Variants in MYO16 observed in about 807,000 individuals in gnomAD.
MYO16 encodes the protein unconventional myosin-XVI.
A neutral mutation model predicts 205.3 loss-of-function variants in MYO16; 94 were observed. That is an observed-to-expected ratio of 0.46 (90% CI 0.39 to 0.54). The LOEUF (loss-of-function observed/expected upper bound fraction) is 0.54, where lower values mean the gene tolerates loss of function less well. Among genes scored for constraint, MYO16 ranks in the 20% least tolerant of loss-of-function variants. The pLI, the probability that MYO16 is intolerant of heterozygous loss-of-function variation, is 0.00. For missense variants in MYO16, 2,315 were observed against 2,387.5 expected (o/e 0.97, Z 0.63); for synonymous variants, 988 against 954.0 (o/e 1.04, Z -0.66).
intron 7 of MYO16, among the ~76,000 whole-genome samples, chr13:108,814,874 G>A (rs892980603): frequency 1.3e-5 from 2 of 152,004 alleles, no homozygotes; most frequent in Admixed American, 6.6e-5. Context: ...TGTTACAAAC[G>A]CAAACAAACA....
At chr13:108,723,055 G>A (rs1469857026) in intron 3 of MYO16, among the ~76,000 whole-genome samples, 1 of 152,052 alleles carries the variant, frequency 6.6e-6, no homozygotes, top group Admixed American at 6.6e-5. Context: ...CTTTTTCACG[G>A]TGGTTGTTGT....
the MYO16 span, among the ~76,000 whole-genome samples, chr13:108,564,596 G>C: frequency 6.6e-6 from 1 of 151,626 alleles, no homozygotes; most frequent in South Asian, 2.1e-4. Flanking sequence ...CTCATTCTAT[G>C]GGTTGTCTCT....
At chr13:108,971,143 G>A (rs894782606) in intron 20 of MYO16, among the ~76,000 whole-genome samples, 7 of 152,050 alleles carry the variant, frequency 4.6e-5, no homozygotes, top group African/African-American at 1.7e-4. Context: ...CCCCAAGATT[G>A]AATTAGCAAA....
intron 32 of MYO16, among the ~76,000 whole-genome samples, chr13:109,148,954 G>T (rs1877494300): frequency 6.6e-6 from 1 of 152,194 alleles, no homozygotes; most frequent in Non-Finnish European, 1.5e-5. Context: ...TTCAGGGTGT[G>T]TGGTTCCTTT....
intron 1 of MYO16, among the ~76,000 whole-genome samples, chr13:108,658,905 T>A (rs1881363463): frequency 6.6e-6 from 1 of 152,120 alleles, no homozygotes; most frequent in Non-Finnish European, 1.5e-5. Flanking sequence ...AGATCAAATT[T>A]TCTGTGCTCT....
intron 1 of MYO16, among the ~76,000 whole-genome samples, chr13:108,651,499 T>G (rs1371641237): frequency 6.6e-6 from 1 of 152,248 alleles, no homozygotes; most frequent in Non-Finnish European, 1.5e-5. Context: ...TAGATGGATG[T>G]GCAAAAAGTA....
intron 4 of MYO16, among the ~76,000 whole-genome samples, chr13:108,760,789 C>CTGT (rs1024503129): frequency 1.3e-5 from 2 of 152,102 alleles, no homozygotes; most frequent in African/African-American, 4.8e-5. Context: ...TTGTTTGTAC[C>CTGT]TGTTAATCAA....
At chr13:108,993,865 C>G (rs1884919437) in intron 21 of MYO16, among the ~76,000 whole-genome samples, 1 of 152,090 alleles carries the variant, frequency 6.6e-6, no homozygotes, top group African/African-American at 2.4e-5. Flanking sequence ...ATGTTATTAT[C>G]TTAGAAAACA....
chr13:108,612,575 G>C (rs548841771), intron 1 of MYO16, among the ~76,000 whole-genome samples: 58 of 152,240 alleles, frequency 3.8e-4, no homozygotes, highest in African/African-American at 1.0e-3. Context: ...CATGGTCCTT[G>C]CCCAAATGGA....
intron 23 of MYO16, among the ~76,000 whole-genome samples, chr13:109,025,868 T>C (rs1886345699): frequency 6.6e-6 from 1 of 152,196 alleles, no homozygotes; most frequent in Admixed American, 6.5e-5. Flanking sequence ...GTAATAAAAA[T>C]TGCATTAATG....
chr13:109,137,022 C>T (rs559014723), intron 31 of MYO16, among the ~76,000 whole-genome samples: 4 of 152,332 alleles, frequency 2.6e-5, no homozygotes, highest in Non-Finnish European at 5.9e-5. Context: ...CTCATCACTG[C>T]AGTCAGATAG....
intron 16 of MYO16, among the ~76,000 whole-genome samples, chr13:108,926,448 G>A (rs562520224): frequency 1.3e-5 from 2 of 152,282 alleles, no homozygotes; most frequent in African/African-American, 4.8e-5. Flanking sequence ...TGCAATGTGA[G>A]AAACATCCCC....
At chr13:108,696,042 T>C (rs1362402832) in intron 2 of MYO16, among the ~76,000 whole-genome samples, 2 of 152,178 alleles carry the variant, frequency 1.3e-5, no homozygotes, top group Non-Finnish European at 2.9e-5. Flanking sequence ...TTGTTTGAAT[T>C]TAAAAAATAA....
chr13:108,923,276 T>C (rs1037070205), intron 16 of MYO16, among the ~76,000 whole-genome samples: 4 of 152,100 alleles, frequency 2.6e-5, no homozygotes, highest in African/African-American at 4.8e-5. Flanking sequence ...CAGAACACGG[T>C]TGAAAACAGA....
At position 109,035,374 on chromosome 13, in the gene MYO16, T is replaced by A. The variant is rs191645637; in HGVS notation, c.2797-11542T>A. Among the ~76,000 whole-genome samples the A allele has an allele frequency of 2.4e-3, 361 of 152,252 alleles. 2 individuals are homozygous for A. Among genetic ancestry groups the A allele is most frequent in the Non-Finnish European group, 4.0e-3 (274 of 68,012 alleles). ...CTCTAATGGCTGTTCTCAGAAGGAC[T>A]GTGTTTCTTTATTTAAAATGCACTG... is the stretch of plus-strand genomic sequence containing the variant. On this transcript the variant is annotated intron_variant, in intron 23 of 34. Transcript: ENST00000457511.
intron 28 of MYO16, among the ~76,000 whole-genome samples, chr13:109,116,523 A>G (rs971562092): frequency 2.6e-5 from 4 of 152,112 alleles, no homozygotes; most frequent in African/African-American, 9.7e-5. Context: ...TGACATGCAG[A>G]TCTGCCCTGT....
Position 109,127,546 on chromosome 13 carries a change from C to A in MYO16, c.4047C>A (p.Asn1349Lys). ...ACLSAAREAA[N>K]EALARPRPHS... ...TCTCCGCGGCCAGGGAAGCGGCCAA[C>A]GAAGGTCAGCCCTGGGGAGGGACCC... Residue 1349 changes from asparagine to lysine, a missense_variant, in exon 31 of 35, where the codon AAC (asparagine) becomes AAA (lysine). By Grantham distance (94) the Asn-to-Lys change is moderately conservative. Coordinates refer to ENST00000457511, the MANE Select transcript of MYO16 (RefSeq NM_001198950.3). This position sits in a 1 kb window ranked among gnomAD's most constrained non-coding sequence, Gnocchi z 4.2. The A allele has an allele frequency of 6.2e-7, 1 of 1,609,410 alleles. No individual in the cohort carries two copies.
chr13:108,953,620 TC>T lies in MYO16; in HGVS notation c.1926-4067del, dbSNP rs568091008. Among the ~76,000 whole-genome samples, 4 of 152,208 alleles carry T rather than the reference TC, an allele frequency of 2.6e-5. No homozygotes were observed. The South Asian group carries it at 8.3e-4, about 32-fold the overall frequency. ...ATATTACTTAAATATGTCTCCAGATTCTTGGTTTCCATATTTTACCATGCAT... is the reference window on the plus strand; with the variant it reads ...ATATTACTTAAATATGTCTCCAGATTTTGGTTTCCATATTTTACCATGCAT... On this transcript the variant is annotated intron_variant, in intron 16 of 34. Coordinates refer to ENST00000457511, the MANE Select transcript of MYO16 (RefSeq NM_001198950.3).
intron 15 of MYO16, among the ~76,000 whole-genome samples, chr13:108,900,939 C>T (rs146864589): frequency 0.014 from 2,093 of 152,182 alleles, 44 homozygotes; most frequent in African/African-American, 0.047. Context: ...AGAATGTGTC[C>T]CTGAGGGGAG....
Sources: allele counts gnomAD v4.1 joint callset (sites outside exome capture counted in the v4.1 genomes callset), GRCh38; gene constraint gnomAD v4.1.1; non-coding constraint Gnocchi (gnomAD v3.1); transcripts MANE v1.5; gene names NCBI Gene and HGNC (gene_info 2026-07-23, HGNC 2026-07-21).